USP25: variants seen among roughly 807,000 people sequenced by gnomAD.
USP25 encodes ubiquitin specific peptidase 25.
USP25 carries 85 observed loss-of-function variants against 158.5 expected under a neutral mutation model. That is an observed-to-expected ratio of 0.54 (90% CI 0.45 to 0.64). The LOEUF is 0.64. USP25 is among the 30% of genes least tolerant of loss of function. The pLI is 0.00. For synonymous variants in USP25, 464 were observed against 460.4 expected (o/e 1.01, Z -0.10); for missense variants, 1,242 against 1,327.3 (o/e 0.94, Z 1.00).
At chr21:15,757,741 A>G (rs1235278087) in intron 1 of USP25, among the ~76,000 whole-genome samples, 1 of 152,220 alleles carries the variant, frequency 6.6e-6, no homozygotes, top group Non-Finnish European at 1.5e-5. Flanking sequence ...GTCTGCTTGC[A>G]TGCTGGCTGC....
At chr21:15,846,734 C>G (rs1387184934) in intron 18 of USP25, among the ~76,000 whole-genome samples, 1 of 151,994 alleles carries the variant, frequency 6.6e-6, no homozygotes, top group Non-Finnish European at 1.5e-5. Flanking sequence ...ACCTTCAGTA[C>G]TTTTGGCTTT....
intron 10 of USP25, among the ~76,000 whole-genome samples, chr21:15,820,004 G>T (rs563025469): frequency 1.3e-3 from 198 of 152,138 alleles, no homozygotes; most frequent in Non-Finnish European, 2.5e-3. Context: ...AGTTATCCAG[G>T]CAGGGTCTAC....
intron 18 of USP25, among the ~76,000 whole-genome samples, chr21:15,845,707 G>A (rs2038551035): frequency 6.6e-6 from 1 of 151,870 alleles, no homozygotes; most frequent in African/African-American, 2.4e-5. Flanking sequence ...GTTTTGGATT[G>A]GTTTGCTAGT....
At chr21:15,797,603 C>T (rs1457333830) in intron 5 of USP25, among the ~76,000 whole-genome samples, 1 of 151,242 alleles carries the variant, frequency 6.6e-6, no homozygotes, top group Non-Finnish European at 1.5e-5. Flanking sequence ...TTCTAAGTAT[C>T]CAGGAACAAG....
chr21:15,803,155 T>C (rs917759958), intron 6 of USP25, among the ~76,000 whole-genome samples: 5 of 151,776 alleles, frequency 3.3e-5, no homozygotes, highest in African/African-American at 7.2e-5. Context: ...TAAATAGTTT[T>C]ACTTGTAAAT....
At chr21:15,849,658 G>A in intron 19 of USP25, 119 bp from the exon 20 acceptor site, 1 of 725,124 alleles carries the variant, frequency 1.4e-6, no homozygotes. Context: ...ATTAAATTTG[G>A]TATTAAAAGT....
At chr21:15,824,893 A>G (rs1423548996) in intron 11 of USP25, 73 bp from the exon 12 acceptor site, 14 of 1,234,908 alleles carry the variant, frequency 1.1e-5, no homozygotes, top group Non-Finnish European at 1.6e-5. Context: ...TAGGCCGGGT[A>G]CGCTGGCATC....
At chr21:15,870,597 CTAT>C (rs746618302) in intron 23 of USP25, among the ~76,000 whole-genome samples, 1 of 152,040 alleles carries the variant, frequency 6.6e-6, no homozygotes, top group Non-Finnish European at 1.5e-5. Flanking sequence ...TTTAATTATA[CTAT>C]TATTTTAATT....
At chr21:15,785,508 A>G (rs1244451382) in intron 4 of USP25, among the ~76,000 whole-genome samples, 1 of 152,236 alleles carries the variant, frequency 6.6e-6, no homozygotes, top group Non-Finnish European at 1.5e-5. Context: ...CTAGAAATCA[A>G]CAACAAGAAA....
At chr21:15,842,355 T>C (rs1330501531) in intron 17 of USP25, 43 bp from the exon 18 acceptor site, 1 of 1,594,104 alleles carries the variant, frequency 6.3e-7, no homozygotes, top group South Asian at 1.1e-5. Context: ...GTATAGACTC[T>C]GTGGTTTATA....
At chr21:15,779,951 ATATTG>A (rs2034872116) in intron 4 of USP25, among the ~76,000 whole-genome samples, 1 of 152,134 alleles carries the variant, frequency 6.6e-6, no homozygotes, top group South Asian at 2.1e-4. Context: ...TATGTAAATC[ATATTG>A]TATTAGGAAA....
intron 1 of USP25, among the ~76,000 whole-genome samples, chr21:15,754,622 C>A (rs759930454): frequency 6.6e-6 from 1 of 152,054 alleles, no homozygotes; most frequent in Admixed American, 6.6e-5. Context: ...GTTCTGTAGA[C>A]CCTGAATGAA....
At chr21:15,797,029 G>GC (rs930059001) in intron 5 of USP25, among the ~76,000 whole-genome samples, 2 of 151,426 alleles carry the variant, frequency 1.3e-5, no homozygotes, top group Admixed American at 1.3e-4. Flanking sequence ...GATAAATTTA[G>GC]CAGCATTATT....
chr21:15,866,067 T>C (rs1399084853), intron 21 of USP25, among the ~76,000 whole-genome samples, 199 bp from the exon 22 acceptor site: 1 of 152,110 alleles, frequency 6.6e-6, no homozygotes, highest in Non-Finnish European at 1.5e-5. Context: ...ATTAGAATTA[T>C]TGCTCCTGTC....
At chr21:15,838,538 C>T (rs1015441203) in intron 17 of USP25, among the ~76,000 whole-genome samples, 3 of 152,086 alleles carry the variant, frequency 2.0e-5, no homozygotes, top group African/African-American at 7.2e-5. Flanking sequence ...GAATGGGGCC[C>T]AGGAATCTGA....
Position 15,805,237 on chromosome 21 carries a change from C to A in USP25, c.759C>A (p.Phe253Leu), listed in dbSNP as rs2036322642. The change falls in exon 7 of 26, where the codon TTC becomes TTA. Residue 253 changes from phenylalanine to leucine, a missense_variant. This residue lies in a region of USP25 where 627 missense variants were observed against 701.4 expected (regional missense o/e 0.89). Transcript: ENST00000400183. ...CAGTTGAAATTCTTAAGGATGCTTT[C>A]AAATCAAATGACTCACAGCAGGTAG... ...SRAVEILKDAFKSNDSQQQDV... is the reference protein window; with the variant it reads ...SRAVEILKDALKSNDSQQQDV... 1.2e-6 allele frequency: 2 copies of A among 1,602,210 alleles called. No homozygotes were observed. Among genetic ancestry groups the A allele is most frequent in the African/African-American group, 1.3e-5 (1 of 74,122 alleles).
intron 3 of USP25, among the ~76,000 whole-genome samples, chr21:15,767,840 TTAGGA>T (rs1160911728): frequency 1.7e-4 from 26 of 151,986 alleles, no homozygotes; most frequent in African/African-American, 6.3e-4. Flanking sequence ...AAGGGGAAAA[TTAGGA>T]TTATGTGTGT....
chr21:15,855,966 C>T (rs2039116904), intron 20 of USP25, among the ~76,000 whole-genome samples: 1 of 152,198 alleles, frequency 6.6e-6, no homozygotes, highest in South Asian at 2.1e-4. Context: ...TTTGGAGCTT[C>T]ATCCATGTTA....
At position 15,805,276 on chromosome 21, in the gene USP25, A is replaced by G; in HGVS notation, c.780+18A>G. The G allele has an allele frequency of 6.4e-7, 1 of 1,569,884 alleles. No individual in the cohort carries two copies. The highest frequency in any genetic ancestry group is 1.4e-5 in the African/African-American group (1 of 72,328). Reference sequence around the variant, plus strand: ...CACAGCAGGTAGTTCTGTTGCACTGACTTGTTCATTAACCATTTGTATTTA... The same window carrying G: ...CACAGCAGGTAGTTCTGTTGCACTGGCTTGTTCATTAACCATTTGTATTTA... On this transcript the variant is annotated intron_variant, in intron 7 of 25. Transcript: ENST00000400183.
Sources: gnomAD v4.1 joint callset for allele counts (sites outside exome capture counted in the v4.1 genomes callset) on GRCh38, gnomAD v4.1.1 for gene constraint, gnomAD v4.1.1 regional missense constraint, MANE v1.5 for transcripts, NCBI Gene and HGNC (gene_info 2026-07-23, HGNC 2026-07-21) for gene names.